The following EMSY variants were observed in gnomAD, a reference collection of about 807,000 sequenced individuals.
EMSY encodes the protein EMSY transcriptional repressor, BRCA2 interacting, also known as BRCA2-interacting transcriptional repressor EMSY.
A neutral mutation model predicts 134.6 loss-of-function variants in EMSY; 26 were observed. That is an observed-to-expected ratio of 0.19 (90% CI 0.14 to 0.27). The LOEUF is 0.27. Among genes scored for constraint, EMSY ranks in the 10% least tolerant of loss-of-function variants. The probability of loss-of-function intolerance (pLI) is 1.00; values close to 1 mark genes in which losing one functional copy is unlikely to be tolerated. For missense variants in EMSY, 1,305 were observed against 1,611.4 expected, an observed-to-expected ratio of 0.81 and a Z score of 3.26; for synonymous variants, 579 against 577.8, an observed-to-expected ratio of 1.00 and a Z score of -0.03.
intron 8 of EMSY, among the ~76,000 whole-genome samples, chr11:76,476,055 T>C (rs1028296718): frequency 3.9e-5 from 6 of 152,360 alleles, no homozygotes; most frequent in African/African-American, 1.4e-4. Flanking sequence ...TTTCTGAGAG[T>C]TTCCCATAGT....
intron 9 of EMSY, among the ~76,000 whole-genome samples, chr11:76,501,184 C>G (rs1949845161): frequency 1.3e-5 from 2 of 151,936 alleles, no homozygotes; most frequent in African/African-American, 2.4e-5. Context: ...TATTTTTGAT[C>G]CATGGTTGCT....
At chr11:76,455,664 A>C (rs1947842248) in intron 4 of EMSY, among the ~76,000 whole-genome samples, 1 of 152,182 alleles carries the variant, frequency 6.6e-6, no homozygotes, top group South Asian at 2.1e-4. Flanking sequence ...AAGGAGTGGG[A>C]TATCTGGGAT....
chr11:76,452,104 G>A, intron 3 of EMSY, 147 bp downstream of exon 3: 2 of 485,856 alleles, frequency 4.1e-6, no homozygotes, highest in Non-Finnish European at 7.2e-6. Flanking sequence ...CATCCCAGTT[G>A]TGTGCTCTGT....
At chr11:76,526,832 A>G (rs2136340760) in intron 13 of EMSY, among the ~76,000 whole-genome samples, 197 bp downstream of exon 14, 1 of 152,254 alleles carries the variant, frequency 6.6e-6, no homozygotes, top group African/African-American at 2.4e-5. Flanking sequence ...AGATACCTAA[A>G]TGTGTATGTT....
chr11:76,518,704 T>TATATA (rs1555068832), intron 11 of EMSY, among the ~76,000 whole-genome samples: 19 of 78,322 alleles, frequency 2.4e-4, no homozygotes, highest in South Asian at 5.4e-4. Context: ...TATATATATA[T>TATATA]TTTTTTTTTA....
intron 9 of EMSY, among the ~76,000 whole-genome samples, chr11:76,505,886 G>T (rs1019364751): frequency 6.6e-6 from 1 of 151,346 alleles, no homozygotes; most frequent in Admixed American, 6.6e-5. Context: ...ATTTCAGGCC[G>T]AGCACAGTGG....
intron 1 of EMSY, among the ~76,000 whole-genome samples, chr11:76,446,350 T>TAG (rs1947404413): frequency 3.6e-3 from 1 of 280 alleles, no homozygotes; most frequent in Non-Finnish European, 0.033. Flanking sequence ...TATATATGTG[T>TAG]ATATATATAT....
chr11:76,487,322 A>G (rs543518209), intron 8 of EMSY, among the ~76,000 whole-genome samples: 9 of 152,184 alleles, frequency 5.9e-5, no homozygotes, highest in Admixed American at 1.3e-4. Context: ...CAAACACAGA[A>G]ACAAAAAACA....
At chr11:76,495,368 GT>G (rs1416172694) in intron 8 of EMSY, among the ~76,000 whole-genome samples, 1 of 152,154 alleles carries the variant, frequency 6.6e-6, no homozygotes, top group Non-Finnish European at 1.5e-5. Flanking sequence ...AATATGATGA[GT>G]TATATTCCAG....
At chr11:76,518,783 A>G (rs1950546326) in intron 11 of EMSY, among the ~76,000 whole-genome samples, 2 of 147,090 alleles carry the variant, frequency 1.4e-5, no homozygotes, top group Admixed American at 1.4e-4. Flanking sequence ...ATGCTAGTAA[A>G]TGTAGTTTGA....
At chr11:76,452,006 G>T in intron 3 of EMSY, 49 bp downstream of exon 3, 1 of 1,228,402 alleles carries the variant, frequency 8.1e-7, no homozygotes, top group South Asian at 1.5e-5. Flanking sequence ...CATTTTGGGG[G>T]ATTTTATTAC....
intron 4 of EMSY, 86 bp downstream of exon 4, chr11:76,453,474 C>A: frequency 2.4e-6 from 3 of 1,237,064 alleles, no homozygotes; most frequent in Non-Finnish European, 2.3e-6. Flanking sequence ...GTAGCAGATT[C>A]CTGAGTCTTT....
chr11:76,473,874 A>G (rs1948674728), intron 8 of EMSY, among the ~76,000 whole-genome samples: 1 of 151,976 alleles, frequency 6.6e-6, no homozygotes. Flanking sequence ...GCACACCTGT[A>G]ATCCCGGCTA....
intron 9 of EMSY, among the ~76,000 whole-genome samples, chr11:76,512,263 C>G (rs938244283): frequency 1.3e-5 from 2 of 151,944 alleles, no homozygotes; most frequent in African/African-American, 2.4e-5. Context: ...TCATTTACCC[C>G]GAGAATACTT....
At chr11:76,471,262 T>A (rs1948557533) in intron 7 of EMSY, among the ~76,000 whole-genome samples, 1 of 152,156 alleles carries the variant, frequency 6.6e-6, no homozygotes, top group African/African-American at 2.4e-5. Context: ...TACAGAAAAA[T>A]TGAGAAGATA....
intron 8 of EMSY, among the ~76,000 whole-genome samples, chr11:76,473,181 A>T (rs540661275): frequency 6.6e-6 from 1 of 152,338 alleles, no homozygotes; most frequent in East Asian, 1.9e-4. Flanking sequence ...TTATATTACC[A>T]TAGGTTCTTC....
At chr11:76,490,332 T>C (rs979851429) in intron 8 of EMSY, among the ~76,000 whole-genome samples, 3 of 152,158 alleles carry the variant, frequency 2.0e-5, no homozygotes, top group Non-Finnish European at 4.4e-5. Context: ...CTGTGCATTA[T>C]AAACCTGACT....
At chr11:76,527,345 T>A (rs575930449) in intron 13 of EMSY, among the ~76,000 whole-genome samples, 1 of 152,024 alleles carries the variant, frequency 6.6e-6, no homozygotes, top group Non-Finnish European at 1.5e-5. Context: ...AAAAAAAAAA[T>A]AAGCTTTGTG....
rs149456548 is a variant in EMSY at position 76,495,015 on chromosome 11, C to T, written c.1109-1200C>T. The stretch of plus-strand genomic sequence containing the variant: ...CCTCCCAAAGTGTTGGGATTACAGG[C>T]GTGAGCCACTGTGCCCGGCCTTCTT... On this transcript the variant is annotated intron_variant, in intron 8 of 20. Transcript: ENST00000334736. 9.3e-3 allele frequency among the ~76,000 whole-genome samples: 1,419 copies of T among 152,180 alleles called. 21 individuals are homozygous for T. Among genetic ancestry groups the T allele is most frequent in the African/African-American group, 0.033 (1,351 of 41,522 alleles).
Sources: gnomAD v4.1 joint callset for allele counts (sites outside exome capture counted in the v4.1 genomes callset) on GRCh38, gnomAD v4.1.1 for gene constraint, MANE v1.5 for transcripts, NCBI Gene and HGNC (gene_info 2026-07-23, HGNC 2026-07-21) for gene names.